HS6ST3: variants seen among roughly 807,000 people sequenced by gnomAD.
HS6ST3 encodes the protein heparan-sulfate 6-O-sulfotransferase 3.
A neutral mutation model predicts 36.7 loss-of-function variants in HS6ST3; 12 were observed. The observed-to-expected ratio is 0.33, with a 90% CI of 0.21 to 0.53. The LOEUF (loss-of-function observed/expected upper bound fraction) is 0.53, where lower values mean the gene tolerates loss of function less well. Among genes scored for constraint, HS6ST3 ranks in the 20% least tolerant of loss-of-function variants. HS6ST3 has a pLI of 0.95. For missense variants in HS6ST3, 584 were observed against 640.9 expected, an observed-to-expected ratio of 0.91 and a Z score of 0.96; for synonymous variants, 240 against 257.5, an observed-to-expected ratio of 0.93 and a Z score of 0.65.
chr13:96,409,906 T>C (rs756372361), intron 1 of HS6ST3, among the ~76,000 whole-genome samples: 2 of 152,066 alleles, frequency 1.3e-5, no homozygotes, highest in Non-Finnish European at 2.9e-5. Flanking sequence ...AAAGATTTAG[T>C]CAATAAGTGA....
intron 1 of HS6ST3, among the ~76,000 whole-genome samples, chr13:96,135,366 A>C (rs61968003): frequency 6.6e-6 from 1 of 152,230 alleles, no homozygotes; most frequent in Non-Finnish European, 1.5e-5. Context: ...GTAAGAACAC[A>C]CAGTGAATCA....
intron 1 of HS6ST3, among the ~76,000 whole-genome samples, chr13:96,685,519 C>T (rs1176768848): frequency 1.3e-5 from 2 of 151,922 alleles, no homozygotes; most frequent in East Asian, 3.9e-4. Flanking sequence ...GTGTTAGATA[C>T]TACATAGAAA....
chr13:96,649,061 T>C lies in HS6ST3; in HGVS notation c.708-183429T>C, dbSNP rs562446551. On this transcript the variant is annotated intron_variant, in intron 1 of 1. Transcript: ENST00000376705. The stretch of plus-strand genomic sequence containing the variant: ...GAGCTCAAAATGTGATGATCTGGAC[T>C]CCTGATTTTCCCCACAGATTTGCCC... 2.6e-5 allele frequency among the ~76,000 whole-genome samples: 4 copies of C among 152,130 alleles called. No homozygotes were observed. In the East Asian group the frequency reaches 5.8e-4, roughly 22 times the overall value.
chr13:96,509,076 G>T (rs1374221383), intron 1 of HS6ST3, among the ~76,000 whole-genome samples: 1 of 152,006 alleles, frequency 6.6e-6, no homozygotes, highest in African/African-American at 2.4e-5. Context: ...TCTCATTGTG[G>T]TTTTACTTTG....
chr13:96,529,380 T>C (rs2056126952), intron 1 of HS6ST3, among the ~76,000 whole-genome samples: 1 of 152,164 alleles, frequency 6.6e-6, no homozygotes, highest in Non-Finnish European at 1.5e-5. Flanking sequence ...AGGGTAGTCA[T>C]GTTAGATGCA....
chr13:96,630,684 C>T (rs750071202), intron 1 of HS6ST3, among the ~76,000 whole-genome samples: 1 of 152,086 alleles, frequency 6.6e-6, no homozygotes, highest in Non-Finnish European at 1.5e-5. Flanking sequence ...CTAATATTCT[C>T]GGGGCATCTG....
intron 1 of HS6ST3, among the ~76,000 whole-genome samples, chr13:96,817,816 G>A (rs1444323266): frequency 3.3e-5 from 5 of 152,038 alleles, no homozygotes; most frequent in Non-Finnish European, 7.4e-5. Flanking sequence ...CAACACAAAG[G>A]GGCATGTTTA....
chr13:96,478,314 G>A (rs536404324), intron 1 of HS6ST3, among the ~76,000 whole-genome samples: 46 of 152,288 alleles, frequency 3.0e-4, no homozygotes, highest in Admixed American at 1.6e-3. Context: ...GTGTAGAGAA[G>A]GGTTTTAAGG....
intron 1 of HS6ST3, among the ~76,000 whole-genome samples, chr13:96,813,961 T>C (rs1424408326): frequency 6.6e-6 from 1 of 152,226 alleles, no homozygotes; most frequent in Non-Finnish European, 1.5e-5. Context: ...GAGTTGCTAA[T>C]TGTCTTTTAT....
At chr13:96,585,540 G>A (rs2056357867) in intron 1 of HS6ST3, among the ~76,000 whole-genome samples, 1 of 151,984 alleles carries the variant, frequency 6.6e-6, no homozygotes, top group Non-Finnish European at 1.5e-5. Context: ...ATGCTATATA[G>A]TAGATCTCTT....
intron 1 of HS6ST3, among the ~76,000 whole-genome samples, chr13:96,649,041 C>T (rs1057257489): frequency 2.0e-5 from 3 of 151,952 alleles, no homozygotes; most frequent in Non-Finnish European, 2.9e-5. Context: ...ATCTTGAGCT[C>T]AAAATGTGAT....
intron 1 of HS6ST3, among the ~76,000 whole-genome samples, chr13:96,484,429 C>T (rs1316305412): frequency 6.6e-6 from 1 of 152,110 alleles, no homozygotes; most frequent in Non-Finnish European, 1.5e-5. Flanking sequence ...ACTATATTCA[C>T]TATGCAGTAC....
At chr13:96,810,644 T>C (rs768733464) in intron 1 of HS6ST3, among the ~76,000 whole-genome samples, 4 of 152,230 alleles carry the variant, frequency 2.6e-5, no homozygotes, top group Non-Finnish European at 5.9e-5. Context: ...GCTTGGCTTC[T>C]GTCTAATGAA....
At chr13:96,379,059 C>G (rs1003007822) in intron 1 of HS6ST3, among the ~76,000 whole-genome samples, 1 of 152,086 alleles carries the variant, frequency 6.6e-6, no homozygotes, top group African/African-American at 2.4e-5. Flanking sequence ...ATGTTTTTGT[C>G]TTTTTTTAAC....
chr13:96,806,843 T>C (rs1170346439), intron 1 of HS6ST3, among the ~76,000 whole-genome samples: 1 of 152,148 alleles, frequency 6.6e-6, no homozygotes, highest in African/African-American at 2.4e-5. Flanking sequence ...TTCTGGAATG[T>C]CCAAGCTTTT....
intron 1 of HS6ST3, among the ~76,000 whole-genome samples, chr13:96,677,000 T>G (rs1294880254): frequency 6.6e-6 from 1 of 152,164 alleles, no homozygotes; most frequent in Admixed American, 6.5e-5. Context: ...GCTTTTTAAT[T>G]TGTCTTTTTT....
intron 1 of HS6ST3, among the ~76,000 whole-genome samples, chr13:96,528,613 A>G (rs1292358007): frequency 6.6e-6 from 1 of 152,200 alleles, no homozygotes; most frequent in Non-Finnish European, 1.5e-5. Context: ...TAAAAGATTC[A>G]TTTAAAGTTG....
At chr13:96,663,929 G>T (rs1348077674) in intron 1 of HS6ST3, among the ~76,000 whole-genome samples, 1 of 152,060 alleles carries the variant, frequency 6.6e-6, no homozygotes, top group African/African-American at 2.4e-5. Flanking sequence ...TCCATAAAAG[G>T]CATATTTATG....
chr13:96,576,943 C>CAAAAAAAA (rs1157924077), intron 1 of HS6ST3, among the ~76,000 whole-genome samples: 1 of 26,848 alleles, frequency 3.7e-5, no homozygotes, highest in African/African-American at 1.1e-4. Context: ...GACTCTGTCT[C>CAAAAAAAA]AAAAAAAAAA....
Sources: gnomAD v4.1 joint callset for allele counts (sites outside exome capture counted in the v4.1 genomes callset) on GRCh38, gnomAD v4.1.1 for gene constraint, MANE v1.5 for transcripts, NCBI Gene and HGNC (gene_info 2026-07-23, HGNC 2026-07-21) for gene names.